Variants in AP1G1 observed in about 807,000 individuals in gnomAD.
The protein encoded by AP1G1 is AP-1 complex subunit gamma-1.
A neutral mutation model predicts 108.3 loss-of-function variants in AP1G1; 7 were observed. The observed-to-expected ratio is 0.06, with a 90% confidence interval of 0.04 to 0.12. The LOEUF (loss-of-function observed/expected upper bound fraction) is 0.12. Ranked by LOEUF, AP1G1 falls within the 10% of genes least tolerant of loss-of-function variation. The pLI, the probability that AP1G1 is intolerant of heterozygous loss-of-function variation, is 1.00. For missense variants in AP1G1, 756 were observed against 1,010.7 expected (o/e 0.75, Z 3.42); for synonymous variants, 379 against 353.5 (o/e 1.07, Z -0.81).
chr16:71,788,305 T>G (rs914702476), intron 2 of AP1G1, among the ~76,000 whole-genome samples: 3 of 152,166 alleles, frequency 2.0e-5, no homozygotes, highest in African/African-American at 7.2e-5. Context: ...ATTCTTAAAT[T>G]ATTAAAATAA....
intron 11 of AP1G1, chr16:71,758,246 T>A: frequency 2.9e-6 from 1 of 339,796 alleles, no homozygotes; most frequent in Middle Eastern, 9.7e-4. Context: ...TACAAACATC[T>A]AGAGTTCTAA....
chr16:71,762,477 C>T (rs1450700173), intron 9 of AP1G1, among the ~76,000 whole-genome samples: 5 of 152,044 alleles, frequency 3.3e-5, no homozygotes, highest in South Asian at 4.1e-4. Flanking sequence ...TGATATTAGA[C>T]GATTGGAACT....
intron 1 of AP1G1, chr16:71,807,928 C>A (rs1326974930): frequency 6.3e-6 from 8 of 1,273,710 alleles, no homozygotes; most frequent in Admixed American, 2.5e-5. Flanking sequence ...GGGAGGGAAT[C>A]CACATATGAG....
chr16:71,760,226 AC>A (rs2031011555), intron 10 of AP1G1, among the ~76,000 whole-genome samples: 1 of 107,788 alleles, frequency 9.3e-6, no homozygotes, highest in African/African-American at 3.5e-5. Flanking sequence ...AATTATTTCC[AC>A]ATCTTTTTTT....
At chr16:71,807,813 T>C (rs1166948740) in intron 1 of AP1G1, 2 of 1,289,238 alleles carry the variant, frequency 1.6e-6, no homozygotes, top group Admixed American at 2.3e-5. Flanking sequence ...CAGATTAATA[T>C]TTTTCTCCAT....
At chr16:71,762,137 A>C (rs2031116067) in intron 9 of AP1G1, among the ~76,000 whole-genome samples, 2 of 152,154 alleles carry the variant, frequency 1.3e-5, no homozygotes, top group South Asian at 4.1e-4. Flanking sequence ...AAATTTGCTA[A>C]TTATACTATG....
At chr16:71,806,780 G>T (rs141835424) in intron 1 of AP1G1, 89 of 1,088,292 alleles carry the variant, frequency 8.2e-5, no homozygotes, top group Non-Finnish European at 9.8e-5. Context: ...CAGAACTCAC[G>T]TATCTAATAG....
In AP1G1 at chr16:71,745,435, G is replaced by C. The variant is rs367771001; in HGVS notation, c.1872+38C>G. On this transcript the variant is annotated intron_variant, in intron 18 of 22. Coordinates refer to ENST00000299980, the MANE Select transcript of AP1G1 (RefSeq NM_001128.6). ...ACAAGCTGTAAGGGACTATAAAATC[G>C]TAAGAAGCCCCAGATGAGCAAGTGA... is the stretch of plus-strand genomic sequence containing the variant. 16 of 1,613,578 alleles carry C rather than the reference G, an allele frequency of 9.9e-6. No homozygotes were observed. In the South Asian group the frequency reaches 1.1e-4, roughly 11 times the overall value.
At chr16:71,794,939 G>A (rs960588132) in intron 1 of AP1G1, among the ~76,000 whole-genome samples, 4 of 131,156 alleles carry the variant, frequency 3.0e-5, no homozygotes, top group African/African-American at 1.1e-4. Context: ...GTTCACTCTT[G>A]TATCCTCCTA....
At chr16:71,799,507 C>T (rs941934694) in intron 1 of AP1G1, among the ~76,000 whole-genome samples, 1 of 152,204 alleles carries the variant, frequency 6.6e-6, no homozygotes, top group African/African-American at 2.4e-5. Flanking sequence ...GTGGCTCACA[C>T]CTGTAATCTC....
chr16:71,735,084 G>T (rs1447777014), intron 21 of AP1G1, among the ~76,000 whole-genome samples: 1 of 152,148 alleles, frequency 6.6e-6, no homozygotes. Context: ...AAAACAGCCA[G>T]AAAGAAATGA....
intron 6 of AP1G1, chr16:71,767,828 T>G: frequency 6.3e-6 from 10 of 1,578,610 alleles, no homozygotes; most frequent in Non-Finnish European, 8.6e-6. Flanking sequence ...CAAAAGCTAC[T>G]AAGGACCTAA....
At chr16:71,733,659 G>C (rs988986053) in intron 22 of AP1G1, among the ~76,000 whole-genome samples, 1 of 152,046 alleles carries the variant, frequency 6.6e-6, no homozygotes, top group Non-Finnish European at 1.5e-5. Context: ...AGCCACCATG[G>C]AGCATTCTCC....
chr16:71,807,729 C>T (rs2033042752), intron 1 of AP1G1: 1 of 1,038,142 alleles, frequency 9.6e-7, no homozygotes, highest in Non-Finnish European at 1.3e-6. Flanking sequence ...GTTAAGGTCA[C>T]TAAGAAAGCA....
rs577205017 is a variant in AP1G1 at position 71,771,858 on chromosome 16, A to T, written c.469-606T>A. Among the ~76,000 whole-genome samples the T allele has an allele frequency of 2.6e-5, 4 of 152,350 alleles. No homozygotes were observed. In the South Asian group the frequency reaches 8.3e-4, roughly 32 times the overall value. On this transcript the variant is annotated intron_variant, in intron 4 of 22. Transcript: ENST00000299980. ...ATGCTATAAATCTACTGTTATGTTTAATAGTATCTATGTGGCCCTCAAATG... is the reference window on the plus strand; with the variant it reads ...ATGCTATAAATCTACTGTTATGTTTTATAGTATCTATGTGGCCCTCAAATG...
In AP1G1 at chr16:71,761,655, G is replaced by T. The variant is rs992591599; in HGVS notation, c.919-88C>A. ...TTAAAGGATCACTTCATGACCTCTG[G>T]TGCTTCACAGACTGCTAGCAAAAAA... On this transcript the variant is annotated intron_variant, in intron 9 of 22. Coordinates refer to ENST00000299980, the MANE Select transcript of AP1G1 (RefSeq NM_001128.6). 8.3e-6 allele frequency: 8 copies of T among 960,196 alleles called. No individual in the cohort carries two copies. The African/African-American group carries it at 1.2e-4, about 14-fold the overall frequency. 59.5% of individuals were successfully genotyped at this position (960,196 alleles called of 1,614,324 possible). A position where few individuals can be genotyped will look rare whatever the true frequency, so the allele number is the denominator to read the frequency against.
At position 71,732,365 on chromosome 16, in the gene AP1G1, C is replaced by T. The variant is rs1016699013; in HGVS notation, c.*693G>A. On this transcript the variant is annotated 3_prime_UTR_variant, in exon 23 of 23. Transcript: ENST00000299980. ...CCTTCATGCCAAATCTCAACAAAAGCTCTTTTTAACTCCATCTGTCCAGTG... is the reference window on the plus strand; with the variant it reads ...CCTTCATGCCAAATCTCAACAAAAGTTCTTTTTAACTCCATCTGTCCAGTG... 2.0e-5 allele frequency: 3 copies of T among 152,626 alleles called. No individual in the cohort carries two copies. Among genetic ancestry groups the T allele is most frequent in the Non-Finnish European group, 4.4e-5 (3 of 68,040 alleles). 9.5% of individuals were successfully genotyped at this position (152,626 alleles called of 1,614,324 possible). A position where few individuals can be genotyped will look rare whatever the true frequency, so the allele number is the denominator to read the frequency against.
In AP1G1 at chr16:71,729,916, T is replaced by C. The variant is rs1202106128; in HGVS notation, c.*3142A>G. 6.6e-6 allele frequency: 1 copy of C among 152,606 alleles called. No individual in the cohort carries two copies. Among genetic ancestry groups the C allele is most frequent in the Non-Finnish European group, 1.5e-5 (1 of 68,032 alleles). The allele number at this position is 152,606 out of a possible 1,614,324, so 9.5% of individuals were successfully genotyped here. On this transcript the variant is annotated 3_prime_UTR_variant, in exon 23 of 23. Coordinates refer to ENST00000299980, the MANE Select transcript of AP1G1 (RefSeq NM_001128.6). ...TTTTCCAATGCAGAAGATAATGAAG[T>C]TGAACCTTGAAAGCAGTACTCCCTA...
At chr16:71,742,067 A>T (rs1326641819) in intron 19 of AP1G1, among the ~76,000 whole-genome samples, 1 of 151,038 alleles carries the variant, frequency 6.6e-6, no homozygotes, top group Admixed American at 6.6e-5. Context: ...AACTTAATGT[A>T]AAAAGTGGAA....
Sources: gnomAD v4.1 joint callset for allele counts (sites outside exome capture counted in the v4.1 genomes callset) on GRCh38, gnomAD v4.1.1 for gene constraint, MANE v1.5 for transcripts, NCBI Gene and HGNC (gene_info 2026-07-23, HGNC 2026-07-21) for gene names.